The following ERGIC2 variants were observed in gnomAD, a reference collection of about 807,000 sequenced individuals.
ERGIC2 encodes the protein endoplasmic reticulum-Golgi intermediate compartment protein 2.
ERGIC2 carries 31 observed loss-of-function variants against 52.5 expected under a neutral mutation model. The ratio of observed to expected loss-of-function variants is 0.59; its 90% CI spans 0.44 to 0.80. The LOEUF (loss-of-function observed/expected upper bound fraction) is 0.80, where lower values mean the gene tolerates loss of function less well. Among genes scored for constraint, ERGIC2 ranks in the 30% least tolerant of loss-of-function variants. The probability of loss-of-function intolerance (pLI) is 0.00; values close to 1 mark genes in which losing one functional copy is unlikely to be tolerated. For synonymous variants in ERGIC2, 129 were observed against 140.6 expected, an observed-to-expected ratio of 0.92 and a Z score of 0.58; for missense variants, 395 against 455.2, an observed-to-expected ratio of 0.87 and a Z score of 1.20.
At chr12:29,361,232 C>T (rs1276153914) in intron 6 of ERGIC2, among the ~76,000 whole-genome samples, 4 of 151,848 alleles carry the variant, frequency 2.6e-5, no homozygotes, top group Non-Finnish European at 5.9e-5. Context: ...AGCCTGGCAA[C>T]AGAGTGAGAC....
intron 10 of ERGIC2, among the ~76,000 whole-genome samples, chr12:29,347,497 T>C (rs953754921): frequency 6.6e-6 from 1 of 152,202 alleles, no homozygotes; most frequent in Admixed American, 6.5e-5. Flanking sequence ...CCCTTTCTCA[T>C]ATCATAGGCA....
chr12:29,371,678 AT>A lies in ERGIC2; in HGVS notation c.-37-9del. 1 of 1,235,666 alleles carries A rather than the reference AT, an allele frequency of 8.1e-7. No homozygotes were observed. The highest frequency in any genetic ancestry group is 1.2e-6 in the Non-Finnish European group (1 of 847,254). 76.5% of individuals were successfully genotyped at this position (1,235,666 alleles called of 1,614,324 possible). The stretch of plus-strand genomic sequence containing the variant: ...TTCCTTCATATAGTCATGCTAAGGA[AT>A]AAATAAATTAATGAATAAATGAATC... On this transcript the variant is annotated splice_polypyrimidine_tract_variant and intron_variant, in intron 1 of 13. Coordinates refer to ENST00000360150, the MANE Select transcript of ERGIC2 (RefSeq NM_016570.3).
chr12:29,350,021 T>A lies in ERGIC2; in HGVS notation c.620A>T (p.Asn207Ile), dbSNP rs769812628. 4 of 1,604,690 alleles carry A rather than the reference T, an allele frequency of 2.5e-6. No individual in the cohort carries two copies. In the South Asian group the frequency reaches 3.3e-5, roughly 13 times the overall value. Residue 207 changes from asparagine (N) to isoleucine (I), a missense_variant, in exon 9 of 14, where the codon AAC becomes ATC. Transcript: ENST00000360150. Reference protein sequence around the residue: ...RGHAHLAALVNHESYNFSHRI... With the variant: ...RGHAHLAALVIHESYNFSHRI... The stretch of plus-strand genomic sequence containing the variant: ...AGTCAGAATCTGCTTACATTCATGG[T>A]TGACAAGTGCTGCCAAATGTGCATG...
chr12:29,340,937 A>G lies in ERGIC2; in HGVS notation c.*219T>C, dbSNP rs1038065133. ...AGCAACACTCCAGTTGGGCTTCTTCATCGTTTAGCTGCATGATTTCTTCTA... is the reference window on the plus strand; with the variant it reads ...AGCAACACTCCAGTTGGGCTTCTTCGTCGTTTAGCTGCATGATTTCTTCTA... On this transcript the variant is annotated 3_prime_UTR_variant, in exon 14 of 14. Coordinates refer to ENST00000360150, the MANE Select transcript of ERGIC2 (RefSeq NM_016570.3). 10 of 551,438 alleles carry G rather than the reference A, an allele frequency of 1.8e-5. No individual in the cohort carries two copies. The highest frequency in any genetic ancestry group is 3.3e-5 in the Non-Finnish European group (10 of 304,288). The allele number at this position is 551,438 out of a possible 1,614,324, so 34.2% of individuals were successfully genotyped here. A position where few individuals can be genotyped will look rare whatever the true frequency, so the allele number is the denominator to read the frequency against.
chr12:29,369,275 T>C (rs772634452), intron 3 of ERGIC2, among the ~76,000 whole-genome samples: 3 of 151,956 alleles, frequency 2.0e-5, no homozygotes, highest in Non-Finnish European at 4.4e-5. Flanking sequence ...AAGTATTGCA[T>C]TGGTGCTGAA....
chr12:29,355,623 A>C (rs1040854718), intron 8 of ERGIC2, among the ~76,000 whole-genome samples: 4 of 152,170 alleles, frequency 2.6e-5, no homozygotes, highest in Non-Finnish European at 5.9e-5. Context: ...ATTTAACTTT[A>C]TTCTAGACAC....
chr12:29,374,677 C>T (rs1163911489), intron 1 of ERGIC2, among the ~76,000 whole-genome samples: 1 of 152,150 alleles, frequency 6.6e-6, no homozygotes, highest in African/African-American at 2.4e-5. Flanking sequence ...AAGCCAGAAA[C>T]ATGGGTTATA....
At chr12:29,359,463 AC>A (rs1295775782) in intron 6 of ERGIC2, among the ~76,000 whole-genome samples, 1 of 152,080 alleles carries the variant, frequency 6.6e-6, no homozygotes, top group Non-Finnish European at 1.5e-5. Context: ...TATATTCCAC[AC>A]ATGAAAGTAT....
In ERGIC2 at chr12:29,341,873, T is replaced by C. The variant is rs1949842765; in HGVS notation, c.989-57A>G. ...TATTTCCTAAACTGTTATTTAAGAATAAATAACTATAATGGAATAGATTAC... is the reference window on the plus strand; with the variant it reads ...TATTTCCTAAACTGTTATTTAAGAACAAATAACTATAATGGAATAGATTAC... On this transcript the variant is annotated intron_variant, in intron 12 of 13. Transcript: ENST00000360150. The C allele has an allele frequency of 3.6e-6, 3 of 833,386 alleles. 1 individual carries two copies. Among genetic ancestry groups the C allele is most frequent in the South Asian group, 2.9e-5 (2 of 67,832 alleles). The allele number at this position is 833,386 out of a possible 1,614,324, so 51.6% of individuals were successfully genotyped here. A position where few individuals can be genotyped will look rare whatever the true frequency, so the allele number is the denominator to read the frequency against.
intron 1 of ERGIC2, among the ~76,000 whole-genome samples, chr12:29,376,501 G>A (rs975985563): frequency 6.6e-6 from 1 of 152,108 alleles, no homozygotes; most frequent in African/African-American, 2.4e-5. Context: ...AAGCTTAACA[G>A]CGCTTCTCCT....
intron 3 of ERGIC2, 126 bp downstream of exon 3, chr12:29,369,988 A>C (rs1384330255): frequency 1.2e-6 from 1 of 831,264 alleles, no homozygotes. Flanking sequence ...AGAATTTTTC[A>C]GGACTATTTC....
chr12:29,366,087 C>T (rs1940358541), intron 5 of ERGIC2, among the ~76,000 whole-genome samples: 1 of 151,984 alleles, frequency 6.6e-6, no homozygotes, highest in South Asian at 2.1e-4. Flanking sequence ...TCACTCTTCA[C>T]TTTGCAAATT....
intron 8 of ERGIC2, among the ~76,000 whole-genome samples, chr12:29,350,345 T>C (rs1488558531): frequency 2.0e-5 from 3 of 152,100 alleles, no homozygotes; most frequent in Admixed American, 6.5e-5. Context: ...AGTTACATAA[T>C]GAGAAAAAGC....
At chr12:29,375,617 G>A (rs995138217) in intron 1 of ERGIC2, among the ~76,000 whole-genome samples, 2 of 152,166 alleles carry the variant, frequency 1.3e-5, no homozygotes, top group Non-Finnish European at 2.9e-5. Context: ...TTTGTATAAT[G>A]AGCTTTCTAA....
At chr12:29,349,912 G>A (rs1591989665) in intron 9 of ERGIC2, 101 bp downstream of exon 9, 4 of 672,742 alleles carry the variant, frequency 5.9e-6, no homozygotes. Context: ...GGATGAATAT[G>A]TTTTCAAAAC....
chr12:29,365,967 G>C (rs914387330), intron 5 of ERGIC2, among the ~76,000 whole-genome samples: 10 of 152,068 alleles, frequency 6.6e-5, no homozygotes, highest in African/African-American at 2.4e-4. Flanking sequence ...CACATATCAA[G>C]TTTGTAGCTG....
chr12:29,363,799 G>GA (rs1246364252), intron 5 of ERGIC2, among the ~76,000 whole-genome samples: 53 of 135,748 alleles, frequency 3.9e-4, no homozygotes, highest in Admixed American at 6.7e-4. Flanking sequence ...GATGTAGGGG[G>GA]AAAAAAAAAG....
At chr12:29,349,852 A>T (rs141169455) in intron 9 of ERGIC2, among the ~76,000 whole-genome samples, 161 bp downstream of exon 9, 1 of 152,216 alleles carries the variant, frequency 6.6e-6, no homozygotes, top group Non-Finnish European at 1.5e-5. Context: ...CCATGACCAA[A>T]TACAAATGCA....
At chr12:29,355,002 G>C (rs1940182694) in intron 8 of ERGIC2, among the ~76,000 whole-genome samples, 1 of 152,154 alleles carries the variant, frequency 6.6e-6, no homozygotes, top group South Asian at 2.1e-4. Flanking sequence ...TGTTTGATCT[G>C]AGTATTGTAA....
Sources: gnomAD v4.1 joint callset for allele counts (sites outside exome capture counted in the v4.1 genomes callset) on GRCh38, gnomAD v4.1.1 for gene constraint, MANE v1.5 for transcripts, NCBI Gene and HGNC (gene_info 2026-07-23, HGNC 2026-07-21) for gene names.